Variants in FBXL17 observed in about 807,000 individuals in gnomAD.
FBXL17 encodes the protein F-box and leucine rich repeat protein 17.
Under a neutral mutation model 66.2 loss-of-function variants are expected in FBXL17, and 22 were observed. The ratio of observed to expected loss-of-function variants is 0.33; its 90% CI spans 0.24 to 0.47. The LOEUF (loss-of-function observed/expected upper bound fraction) is 0.47, where lower values mean the gene tolerates loss of function less well. Among genes scored for constraint, FBXL17 ranks in the 20% least tolerant of loss-of-function variants. FBXL17 has a pLI of 1.00. For missense variants in FBXL17, 878 were observed against 948.2 expected, an observed-to-expected ratio of 0.93 and a Z score of 0.97; for synonymous variants, 474 against 400.5, an observed-to-expected ratio of 1.18 and a Z score of -2.19.
At chr5:108,272,691 T>C (rs185518871) in intron 4 of FBXL17, among the ~76,000 whole-genome samples, 1 of 152,286 alleles carries the variant, frequency 6.6e-6, no homozygotes, top group Non-Finnish European at 1.5e-5. Context: ...TCCCGCATTT[T>C]CCCAATAAAA....
At chr5:108,321,399 A>G (rs1561528041) in intron 4 of FBXL17, among the ~76,000 whole-genome samples, 1 of 151,850 alleles carries the variant, frequency 6.6e-6, no homozygotes, top group African/African-American at 2.4e-5. Flanking sequence ...AATCAAGTAC[A>G]TGTCTTTTAT....
At chr5:108,208,855 G>A (rs1053945714) in intron 5 of FBXL17, among the ~76,000 whole-genome samples, 2 of 152,104 alleles carry the variant, frequency 1.3e-5, no homozygotes, top group African/African-American at 4.8e-5. Flanking sequence ...AAGAAAGTCA[G>A]TGGCAGCTTC....
At chr5:108,093,281 A>AT (rs1749253469) in intron 6 of FBXL17, among the ~76,000 whole-genome samples, 1 of 137,128 alleles carries the variant, frequency 7.3e-6, no homozygotes, top group Non-Finnish European at 1.6e-5. Flanking sequence ...TAATCTACTT[A>AT]AAAAAAAAAA....
At chr5:108,269,070 T>C (rs1359574846) in intron 4 of FBXL17, among the ~76,000 whole-genome samples, 3 of 152,028 alleles carry the variant, frequency 2.0e-5, no homozygotes, top group African/African-American at 4.8e-5. Context: ...AAGATAAAGG[T>C]TGGTTTCATA....
intron 4 of FBXL17, among the ~76,000 whole-genome samples, chr5:108,286,314 T>G (rs1418132996): frequency 2.0e-5 from 3 of 151,798 alleles, no homozygotes; most frequent in South Asian, 4.1e-4. Flanking sequence ...GAAAAAGGAA[T>G]GAAAGACAAC....
chr5:108,047,305 C>A (rs549770074), intron 6 of FBXL17, among the ~76,000 whole-genome samples: 2 of 152,298 alleles, frequency 1.3e-5, no homozygotes, highest in Admixed American at 6.5e-5. Context: ...AACTGTGCAA[C>A]CCACAGATCA....
chr5:107,943,035 T>C lies in FBXL17; in HGVS notation c.1823-61856A>G, dbSNP rs563621758. Among the ~76,000 whole-genome samples, 57 of 152,314 alleles carry C rather than the reference T, an allele frequency of 3.7e-4. 1 individual carries two copies. The South Asian group carries it at 0.011, about 30-fold the overall frequency. On this transcript the variant is annotated intron_variant, in intron 7 of 8. Transcript: ENST00000542267. ...TCATCCCTCCTTTGTGGAATGCTCC[T>C]TGCCCTGCCTCTCTGGGTATTTGCT...
At chr5:107,956,634 C>A (rs1200410967) in intron 7 of FBXL17, among the ~76,000 whole-genome samples, 1 of 152,084 alleles carries the variant, frequency 6.6e-6, no homozygotes, top group Non-Finnish European at 1.5e-5. Flanking sequence ...ACACAGGAGG[C>A]TTTCAAAAAT....
At chr5:107,877,053 C>T (rs915237611) in intron 8 of FBXL17, among the ~76,000 whole-genome samples, 18 of 152,186 alleles carry the variant, frequency 1.2e-4, no homozygotes, top group African/African-American at 4.1e-4. Context: ...TCATCAAAGC[C>T]GTCTCACACA....
intron 5 of FBXL17, among the ~76,000 whole-genome samples, chr5:108,194,596 G>C (rs186226886): frequency 6.6e-6 from 1 of 151,972 alleles, no homozygotes; most frequent in Non-Finnish European, 1.5e-5. Context: ...TCCCCTTCTA[G>C]CCTTTCCTAG....
At chr5:108,057,289 C>G (rs1747745873) in intron 6 of FBXL17, among the ~76,000 whole-genome samples, 1 of 152,104 alleles carries the variant, frequency 6.6e-6, no homozygotes. Flanking sequence ...CAGAGCAAAA[C>G]TGTAATACCA....
chr5:108,170,762 G>A (rs1173742094), intron 6 of FBXL17, among the ~76,000 whole-genome samples: 2 of 152,076 alleles, frequency 1.3e-5, no homozygotes, highest in East Asian at 1.9e-4. Context: ...TCAAACTCCC[G>A]ACCCCAAGTG....
chr5:108,208,167 C>A (rs1017519062), intron 5 of FBXL17, among the ~76,000 whole-genome samples: 2 of 151,300 alleles, frequency 1.3e-5, no homozygotes, highest in South Asian at 4.2e-4. Context: ...TGGAGTTGTT[C>A]TTTTCTTGTA....
rs534646916 is a variant in FBXL17, at chr5:108,346,272, A to G, written c.1506+2127T>C. On this transcript the variant is annotated intron_variant, in intron 4 of 8. Coordinates refer to ENST00000542267, the MANE Select transcript of FBXL17 (RefSeq NM_001163315.3). ...AACTTAAATGGGAAGAACTGTAGTG[A>G]ATTAGCCTTTAAGACTTAGCAAAAT... Among the ~76,000 whole-genome samples, 9 of 152,238 alleles carry G rather than the reference A, an allele frequency of 5.9e-5. No individual in the cohort carries two copies. The South Asian group carries it at 1.9e-3, about 32-fold the overall frequency.
At chr5:107,905,535 C>G (rs563737378) in intron 7 of FBXL17, among the ~76,000 whole-genome samples, 2 of 152,100 alleles carry the variant, frequency 1.3e-5, no homozygotes, top group African/African-American at 2.4e-5. Flanking sequence ...ATAACATATA[C>G]TGAGTATATA....
At chr5:108,125,488 C>T (rs975408360) in intron 6 of FBXL17, among the ~76,000 whole-genome samples, 4 of 151,944 alleles carry the variant, frequency 2.6e-5, no homozygotes, top group Non-Finnish European at 4.4e-5. Context: ...CTTGTATCAG[C>T]TAGAATTTAA....
intron 7 of FBXL17, among the ~76,000 whole-genome samples, chr5:107,883,344 G>T (rs1332964952): frequency 6.6e-6 from 1 of 152,144 alleles, no homozygotes; most frequent in Non-Finnish European, 1.5e-5. Context: ...GAATCATGGG[G>T]CAAGGCACCT....
At chr5:108,302,972 T>C (rs1490668509) in intron 4 of FBXL17, among the ~76,000 whole-genome samples, 1 of 151,814 alleles carries the variant, frequency 6.6e-6, no homozygotes, top group Non-Finnish European at 1.5e-5. Flanking sequence ...CACATAAACC[T>C]GCAAACACTC....
rs191908919 is a variant in FBXL17, at chr5:107,919,699, C to T, written c.1823-38520G>A. On this transcript the variant is annotated intron_variant, in intron 7 of 8. Coordinates refer to ENST00000542267, the MANE Select transcript of FBXL17 (RefSeq NM_001163315.3). ...CAAATCTTCATGGCTCATACTCTCT[C>T]GTCTTTCAGATCTTTCTTACAGAGT... 2.3e-4 allele frequency among the ~76,000 whole-genome samples: 35 copies of T among 152,292 alleles called. No individual in the cohort carries two copies. The East Asian group carries it at 5.6e-3, about 24-fold the overall frequency.
Sources: allele counts gnomAD v4.1 joint callset (sites outside exome capture counted in the v4.1 genomes callset), GRCh38; gene constraint gnomAD v4.1.1; transcripts MANE v1.5; gene names NCBI Gene and HGNC (gene_info 2026-07-23, HGNC 2026-07-21).